The following COLGALT1 variants were observed in gnomAD, a reference collection of about 807,000 sequenced individuals.
The protein encoded by COLGALT1 is procollagen galactosyltransferase 1.
Under a neutral mutation model 60.8 loss-of-function variants are expected in COLGALT1, and 43 were observed. That is an observed-to-expected ratio of 0.71 (90% CI 0.55 to 0.91). The LOEUF is 0.91. COLGALT1 is among the 40% of genes least tolerant of loss of function. The probability of loss-of-function intolerance (pLI) is 0.00; values close to 1 mark genes in which losing one functional copy is unlikely to be tolerated. For missense variants in COLGALT1, 845 were observed against 880.0 expected (o/e 0.96, Z 0.50); for synonymous variants, 369 against 374.2 (o/e 0.99, Z 0.16).
intron 5 of COLGALT1, among the ~76,000 whole-genome samples, chr19:17,569,717 G>C (rs2076300744): frequency 6.6e-6 from 1 of 151,866 alleles, no homozygotes; most frequent in South Asian, 2.1e-4. Flanking sequence ...GATTACAGGA[G>C]GGAGCCACTG....
chr19:17,567,267 C>T, intron 3 of COLGALT1, 139 bp from the exon 4 acceptor site: 3 of 1,132,234 alleles, frequency 2.6e-6, no homozygotes, highest in Non-Finnish European at 3.7e-6. Context: ...AAACGGGGTC[C>T]CTGCTTCATT....
chr19:17,564,179 A>G (rs1246368824), intron 3 of COLGALT1, among the ~76,000 whole-genome samples: 2 of 151,846 alleles, frequency 1.3e-5, no homozygotes, highest in Non-Finnish European at 2.9e-5. Flanking sequence ...GCCCAGGAGT[A>G]GGAGGCTGCA....
In COLGALT1 at chr19:17,573,461, G is replaced by A. The variant is rs543460207; in HGVS notation, c.949+859G>A. Reference sequence around the variant, plus strand: ...GGAGAATCACTTGAACCTGGGAGGCGGAGGTTGCAGTGAGCCGAGATCGTG... The same window carrying A: ...GGAGAATCACTTGAACCTGGGAGGCAGAGGTTGCAGTGAGCCGAGATCGTG... On this transcript the variant is annotated intron_variant, in intron 6 of 11. Transcript: ENST00000252599. 3.2e-4 allele frequency among the ~76,000 whole-genome samples: 49 copies of A among 152,100 alleles called. No homozygotes were observed. In the South Asian group the frequency reaches 6.4e-3, roughly 20 times the overall value.
intron 3 of COLGALT1, among the ~76,000 whole-genome samples, chr19:17,567,027 A>G (rs1426224830): frequency 6.6e-6 from 1 of 152,074 alleles, no homozygotes; most frequent in Non-Finnish European, 1.5e-5. Context: ...AGACAGGAGA[A>G]TCGCTTGAAC....
At chr19:17,571,654 G>C (rs1219744577) in intron 5 of COLGALT1, among the ~76,000 whole-genome samples, 2 of 151,718 alleles carry the variant, frequency 1.3e-5, no homozygotes, top group African/African-American at 2.4e-5. Context: ...AGAGGCGGAG[G>C]TTGCAGTGAG....
intron 5 of COLGALT1, among the ~76,000 whole-genome samples, chr19:17,568,927 C>A (rs1468859182): frequency 6.6e-6 from 1 of 152,158 alleles, no homozygotes; most frequent in African/African-American, 2.4e-5. Flanking sequence ...CATTCCCTAG[C>A]TCTTTAAGAT....
At chr19:17,577,924 C>A (rs550986178) in intron 8 of COLGALT1, 33 bp from the exon 9 acceptor site, 17 of 1,581,232 alleles carry the variant, frequency 1.1e-5, no homozygotes, top group Admixed American at 1.7e-5. Flanking sequence ...GCAGGGTGAA[C>A]CTTCTTCGTG....
intron 1 of COLGALT1, among the ~76,000 whole-genome samples, chr19:17,559,089 G>A (rs1400572580): frequency 6.6e-6 from 1 of 152,106 alleles, no homozygotes; most frequent in African/African-American, 2.4e-5. Flanking sequence ...GAACCCGGGA[G>A]GCGGAGCTTG....
chr19:17,578,017 C>A lies in COLGALT1; in HGVS notation c.1194C>A (p.Asp398Glu). 1 of 1,611,738 alleles carries A rather than the reference C, an allele frequency of 6.2e-7. No homozygotes were observed. The highest frequency in any genetic ancestry group is 8.5e-7 in the Non-Finnish European group (1 of 1,179,228). ...TCCAGATGCTGCCTGGCTACCGGGA[C>A]CCCTACCACGGCCGGCCCCTCACCA... is the stretch of plus-strand genomic sequence containing the variant. The part of the protein sequence containing the change: ...LGIQMLPGYR[D>E]PYHGRPLTKG... Residue 398 changes from aspartate to glutamate, a missense_variant, in exon 9 of 12, where the codon GAC becomes GAA. Transcript: ENST00000252599.
At chr19:17,573,246 G>A (rs955293779) in intron 6 of COLGALT1, among the ~76,000 whole-genome samples, 2 of 151,962 alleles carry the variant, frequency 1.3e-5, no homozygotes, top group Admixed American at 1.3e-4. Context: ...AAAAAATTTT[G>A]GCCGGGTGCG....
chr19:17,568,933 A>C (rs144008448), intron 5 of COLGALT1, among the ~76,000 whole-genome samples: 86 of 152,202 alleles, frequency 5.7e-4, no homozygotes, highest in Middle Eastern at 6.8e-3. Flanking sequence ...CTAGCTCTTT[A>C]AGATCTATTG....
At chr19:17,567,568 G>T in intron 4 of COLGALT1, 28 bp downstream of exon 4, 1 of 1,605,458 alleles carries the variant, frequency 6.2e-7, no homozygotes, top group South Asian at 1.1e-5. Flanking sequence ...GGACTGTGGG[G>T]ACTGGGCTGA....
Position 17,581,293 on chromosome 19 carries a change from C to T in COLGALT1, c.1718C>T (p.Thr573Ile). 1 of 1,613,122 alleles carries T rather than the reference C, an allele frequency of 6.2e-7. No homozygotes were observed. ...GDDGYVSDTE[T>I]SVVWNNEHVK... is the part of the protein sequence containing the mutation. ...GATGGCTATGTGAGTGACACCGAGACCTCAGTCGTATGGAACAATGAGCAC... is the reference window on the plus strand; with the variant it reads ...GATGGCTATGTGAGTGACACCGAGATCTCAGTCGTATGGAACAATGAGCAC... The change falls in exon 12 of 12, where the codon ACC (threonine) becomes ATC (isoleucine). Residue 573 changes from threonine to isoleucine, a missense_variant. Thr to Ile is a moderately conservative substitution (Grantham distance 89, BLOSUM62 -1). Coordinates refer to ENST00000252599, the MANE Select transcript of COLGALT1 (RefSeq NM_024656.4).
At chr19:17,558,895 C>T (rs2144814328) in intron 1 of COLGALT1, among the ~76,000 whole-genome samples, 1 of 151,966 alleles carries the variant, frequency 6.6e-6, no homozygotes, top group East Asian at 2.0e-4. Flanking sequence ...CGCGGTGGCT[C>T]ACGCTTGTTA....
chr19:17,579,525 A>G lies in COLGALT1; in HGVS notation c.1310A>G (p.Asp437Gly). The G allele has an allele frequency of 6.2e-7, 1 of 1,614,062 alleles. No individual in the cohort carries two copies. Among genetic ancestry groups the G allele is most frequent in the Non-Finnish European group, 8.5e-7 (1 of 1,180,012 alleles). ...CAGAAATCGCTTGTGTTTGAGGATG[A>G]CCTGCGTTTTGAGATCTTCTTCAAG... ...GLQKSLVFED[D>G]LRFEIFFKRR... The change falls in exon 10 of 12, where the codon GAC (aspartate) becomes GGC (glycine). Residue 437 changes from aspartate to glycine, a missense_variant. Physicochemically the swap from Asp to Gly is moderately conservative, Grantham distance 94. Transcript: ENST00000252599.
Position 17,581,927 on chromosome 19 carries a change from T to A in COLGALT1, c.*483T>A, listed in dbSNP as rs2076385251. 1 of 164,266 alleles carries A rather than the reference T, an allele frequency of 6.1e-6. No homozygotes were observed. Among genetic ancestry groups the A allele is most frequent in the Non-Finnish European group, 1.3e-5 (1 of 74,238 alleles). 10.2% of individuals were successfully genotyped at this position (164,266 alleles called of 1,614,324 possible). A position where few individuals can be genotyped will look rare whatever the true frequency, so the allele number is the denominator to read the frequency against. ...CTCTGGGATTTTTTTTTTTTTTTTT[T>A]TAAGAGTAGAGTCTGTCTCTGTCAC... On this transcript the variant is annotated 3_prime_UTR_variant, in exon 12 of 12. Transcript: ENST00000252599.
At chr19:17,580,483 T>G (rs2076373518) in intron 10 of COLGALT1, 2 of 589,358 alleles carry the variant, frequency 3.4e-6, no homozygotes, top group South Asian at 4.0e-5. Flanking sequence ...AGATCCTCCA[T>G]GGCTCCCTCA....
chr19:17,575,809 TTC>T (rs1320480050), intron 6 of COLGALT1, among the ~76,000 whole-genome samples: 3 of 152,032 alleles, frequency 2.0e-5, no homozygotes, highest in Admixed American at 6.6e-5. Flanking sequence ...AGCTACAGAT[TTC>T]CCCTTTTAAA....
chr19:17,582,408 T>C lies in COLGALT1; in HGVS notation c.*964T>C, dbSNP rs2076389771. ...AACAAGGTACTTTTTACTTTTTTCT[T>C]TTTTTCCTCACTGCTAGACGGTGTG... On this transcript the variant is annotated 3_prime_UTR_variant, in exon 12 of 12. Transcript: ENST00000252599. 6.6e-6 allele frequency: 1 copy of C among 152,180 alleles called. No individual in the cohort carries two copies. The highest frequency in any genetic ancestry group is 1.5e-5 in the Non-Finnish European group (1 of 68,038). The allele number at this position is 152,180 out of a possible 1,614,324, so 9.4% of individuals were successfully genotyped here. A position where few individuals can be genotyped will look rare whatever the true frequency, so the allele number is the denominator to read the frequency against.
Sources: gnomAD v4.1 joint callset for allele counts (sites outside exome capture counted in the v4.1 genomes callset) on GRCh38, gnomAD v4.1.1 for gene constraint, MANE v1.5 for transcripts, NCBI Gene and HGNC (gene_info 2026-07-23, HGNC 2026-07-21) for gene names.